Variants in RGSL1 observed in about 807,000 individuals in gnomAD.
RGSL1 encodes the protein regulator of G protein signaling like 1.
Under a neutral mutation model 124.7 loss-of-function variants are expected in RGSL1, and 97 were observed. The observed-to-expected ratio is 0.78, with a 90% CI of 0.66 to 0.92. RGSL1 has a LOEUF of 0.92. Among genes scored for constraint, RGSL1 ranks in the 40% least tolerant of loss-of-function variants. The pLI, the probability that RGSL1 is intolerant of heterozygous loss-of-function variation, is 0.00. For synonymous variants in RGSL1, 424 were observed against 438.1 expected (o/e 0.97, Z 0.40); for missense variants, 1,233 against 1,288.4 (o/e 0.96, Z 0.66).
chr1:182,523,954 A>G (rs145755315), intron 10 of RGSL1, among the ~76,000 whole-genome samples: 529 of 152,356 alleles, frequency 3.5e-3, no homozygotes, highest in African/African-American at 0.012. Flanking sequence ...ATGCAAATTC[A>G]ATTACAAAGA....
chr1:182,452,219 T>C (rs1411731354), intron 1 of RGSL1, among the ~76,000 whole-genome samples: 1 of 152,140 alleles, frequency 6.6e-6, no homozygotes, highest in Non-Finnish European at 1.5e-5. Context: ...ATAGCTCATG[T>C]ATATTTAAAA....
chr1:182,473,612 A>G lies in RGSL1; in HGVS notation c.501A>G (p.Gln167=), dbSNP rs1198243734. The change falls in exon 6 of 22, where the codon CAA becomes CAG. Residue 167 remains glutamine, a synonymous_variant. Coordinates refer to ENST00000294854, the MANE Select transcript of RGSL1 (RefSeq NM_001137669.2). Reference sequence around the variant, plus strand: ...ACCTCTCCATCTGGCATCCCAACCAATCAACCACTAGGAGGGAGATCCTGA... The same window carrying G: ...ACCTCTCCATCTGGCATCCCAACCAGTCAACCACTAGGAGGGAGATCCTGA... ...LLNLSIWHPN[Q]STTRREILSH... The G allele has an allele frequency of 3.2e-6, 5 of 1,549,928 alleles. No homozygotes were observed. Among genetic ancestry groups the G allele is most frequent in the East Asian group, 2.4e-5 (1 of 40,922 alleles).
intron 9 of RGSL1, among the ~76,000 whole-genome samples, chr1:182,509,649 C>T (rs1255595967): frequency 2.4e-5 from 3 of 126,172 alleles, no homozygotes; most frequent in East Asian, 2.7e-4. Flanking sequence ...CCGGACGGGG[C>T]GGCTGGCCGG....
chr1:182,455,490 G>A (rs556919421), intron 2 of RGSL1, among the ~76,000 whole-genome samples: 14 of 152,160 alleles, frequency 9.2e-5, no homozygotes, highest in Admixed American at 5.2e-4. Flanking sequence ...GCTGAGGCAC[G>A]AGAATCACTT....
chr1:182,507,046 A>G (rs1656869043), intron 9 of RGSL1, among the ~76,000 whole-genome samples: 1 of 141,058 alleles, frequency 7.1e-6, no homozygotes, highest in African/African-American at 2.7e-5. Context: ...CTGGAGTGCA[A>G]TGGCACGATT....
chr1:182,451,218 A>G (rs1651795029), intron 1 of RGSL1, among the ~76,000 whole-genome samples: 2 of 151,938 alleles, frequency 1.3e-5, no homozygotes, highest in Non-Finnish European at 2.9e-5. Flanking sequence ...GAACTTAGAC[A>G]TTGTGCAAAC....
intron 10 of RGSL1, among the ~76,000 whole-genome samples, chr1:182,526,143 A>G (rs1262314589): frequency 6.6e-6 from 1 of 152,252 alleles, no homozygotes; most frequent in Admixed American, 6.5e-5. Flanking sequence ...TCACTGGAGA[A>G]TTCTATGAAA....
chr1:182,454,177 T>C, intron 2 of RGSL1, 137 bp downstream of exon 2: 1 of 625,692 alleles, frequency 1.6e-6, no homozygotes, highest in Non-Finnish European at 2.8e-6. Flanking sequence ...AAAAACTCTT[T>C]TAATTTGAGC....
intron 3 of RGSL1, 121 bp downstream of exon 3, chr1:182,458,514 G>A: frequency 1.2e-6 from 1 of 822,702 alleles, no homozygotes; most frequent in Non-Finnish European, 2.0e-6. Context: ...CTGTCACCCA[G>A]GCTGCAGTGC....
intron 4 of RGSL1, among the ~76,000 whole-genome samples, chr1:182,466,270 T>A (rs1380263557): frequency 6.6e-6 from 1 of 152,118 alleles, no homozygotes; most frequent in Non-Finnish European, 1.5e-5. Flanking sequence ...AAATGCCTGA[T>A]TTCACTAATT....
At chr1:182,512,115 A>G (rs1448490580) in intron 9 of RGSL1, among the ~76,000 whole-genome samples, 1 of 152,168 alleles carries the variant, frequency 6.6e-6, no homozygotes, top group Non-Finnish European at 1.5e-5. Context: ...TATCAGTTCT[A>G]ACACTGCTAT....
chr1:182,473,063 CTTG>C (rs1002536475), intron 5 of RGSL1, among the ~76,000 whole-genome samples: 2 of 152,132 alleles, frequency 1.3e-5, no homozygotes, highest in Non-Finnish European at 2.9e-5. Flanking sequence ...TTTATGTATA[CTTG>C]TTTGTTCATT....
At chr1:182,469,732 T>G (rs1278916340) in intron 4 of RGSL1, among the ~76,000 whole-genome samples, 1 of 152,134 alleles carries the variant, frequency 6.6e-6, no homozygotes, top group Non-Finnish European at 1.5e-5. Context: ...TTCACAATAG[T>G]TAAGTGTGGA....
At chr1:182,498,257 G>GA (rs1656076121) in intron 9 of RGSL1, among the ~76,000 whole-genome samples, 1 of 151,678 alleles carries the variant, frequency 6.6e-6, no homozygotes. Flanking sequence ...CCCATTTCAA[G>GA]CTGGCTTATG....
chr1:182,551,231 A>T, intron 18 of RGSL1, 22 bp downstream of exon 18: 1 of 1,433,914 alleles, frequency 7.0e-7, no homozygotes, highest in South Asian at 1.2e-5. Context: ...CACGACTCAC[A>T]GCCCCATTCT....
rs77182321 is a variant in RGSL1 at position 182,534,008 on chromosome 1, G to A, written c.2494+1217G>A. 4.6e-3 allele frequency among the ~76,000 whole-genome samples: 704 copies of A among 152,324 alleles called. 8 individuals are homozygous for A. Among genetic ancestry groups the A allele is most frequent in the African/African-American group, 0.016 (682 of 41,578 alleles). On this transcript the variant is annotated intron_variant, in intron 14 of 21. Coordinates refer to ENST00000294854, the MANE Select transcript of RGSL1 (RefSeq NM_001137669.2). ...GGCCAGTTGGACTAGAGATTAATGA[G>A]ATGGGGCAAATGCTTGAGATGAGAC...
At chr1:182,454,379 A>AATG (rs1477171609) in intron 2 of RGSL1, among the ~76,000 whole-genome samples, 1 of 151,822 alleles carries the variant, frequency 6.6e-6, no homozygotes, top group African/African-American at 2.4e-5. Flanking sequence ...GCATTCCCCC[A>AATG]CCTCTGAACC....
At chr1:182,530,051 C>T (rs1659048283) in intron 11 of RGSL1, among the ~76,000 whole-genome samples, 193 bp from the exon 12 acceptor site, 1 of 151,860 alleles carries the variant, frequency 6.6e-6, no homozygotes, top group Non-Finnish European at 1.5e-5. Flanking sequence ...ATTTAGTTTA[C>T]AAATGCATTT....
At chr1:182,526,217 C>T (rs266510) in intron 10 of RGSL1, among the ~76,000 whole-genome samples, 131,555 of 152,192 alleles carry the variant, frequency 0.86, 57,184 homozygotes, top group Non-Finnish European at 0.89. Context: ...AAAGAAGTAA[C>T]ACTTGCCAAC....
Sources: allele counts gnomAD v4.1 joint callset (sites outside exome capture counted in the v4.1 genomes callset), GRCh38; gene constraint gnomAD v4.1.1; transcripts MANE v1.5; gene names NCBI Gene and HGNC (gene_info 2026-07-23, HGNC 2026-07-21).